Variants in DIS3 observed in about 807,000 individuals in gnomAD.
DIS3 encodes the protein DIS3 exosome endoribonuclease and 3'-5' exoribonuclease.
In DIS3, 103 loss-of-function variants were observed where a neutral mutation model predicts 113.0. The ratio of observed to expected loss-of-function variants is 0.91; its 90% confidence interval spans 0.78 to 1.07. The LOEUF (loss-of-function observed/expected upper bound fraction) is 1.07, where lower values mean the gene tolerates loss of function less well. DIS3 is among the 50% of genes least tolerant of loss of function. The pLI is 0.00. For missense variants in DIS3, 1,121 were observed against 1,167.1 expected (o/e 0.96, Z 0.58); for synonymous variants, 402 against 394.3 (o/e 1.02, Z -0.23).
In DIS3 at chr13:72,781,889, A is replaced by C. The variant is rs2034254143; in HGVS notation, c.-57T>G. The C allele has an allele frequency of 1.4e-6, 2 of 1,432,682 alleles. No individual in the cohort carries two copies. The highest frequency in any genetic ancestry group is 1.9e-6 in the Non-Finnish European group (2 of 1,071,408). The allele number at this position is 1,432,682 out of a possible 1,614,324, so 88.7% of individuals were successfully genotyped here. ...CAGCGCTCTTCCAGCAAAAGGCGTC[A>C]ATCTAGAATACGCCTAACCCCGGAG... On this transcript the variant is annotated 5_prime_UTR_variant, in exon 1 of 21. In the 5' UTR this introduces an upstream ATG that the reference lacks. Transcript: ENST00000377767.
intron 13 of DIS3, among the ~76,000 whole-genome samples, chr13:72,769,902 TGAAGAAA>T (rs1383640606): frequency 2.6e-5 from 4 of 152,154 alleles, no homozygotes; most frequent in African/African-American, 9.7e-5. Context: ...TGGCAAATCT[TGAAGAAA>T]GATGTAGGGC....
rs781109125 is a variant in DIS3 at position 72,778,399 on chromosome 13, C to T, written c.387-19G>A. 2.6e-5 allele frequency: 40 copies of T among 1,523,960 alleles called. No individual in the cohort carries two copies. The highest frequency in any genetic ancestry group is 7.6e-5 in the South Asian group (6 of 78,650). 94.4% of individuals were successfully genotyped at this position (1,523,960 alleles called of 1,614,324 possible). A position where few individuals can be genotyped will look rare whatever the true frequency, so the allele number is the denominator to read the frequency against. On this transcript the variant is annotated intron_variant, in intron 2 of 20. Coordinates refer to ENST00000377767, the MANE Select transcript of DIS3 (RefSeq NM_014953.5). ...GGTTTCTCTAAATGGAAAGAAAAAA[C>T]GAAATAAAAGGAAATCAGTAGAAAC...
At position 72,766,075 on chromosome 13, in the gene DIS3, G is replaced by A. The variant is rs1348059088; in HGVS notation, c.1884-17C>T. The A allele has an allele frequency of 1.3e-6, 2 of 1,575,812 alleles. No individual in the cohort carries two copies. The highest frequency in any genetic ancestry group is 1.4e-5 in the African/African-American group (1 of 72,962). On this transcript the variant is annotated splice_polypyrimidine_tract_variant and intron_variant, in intron 14 of 20. Transcript: ENST00000377767. ...GTCAAAGCCCTACATAAAAATTAAA[G>A]AGAAAAATTATAGTCAAGCAAGCCA...
At chr13:72,770,174 C>T (rs1323876279) in intron 13 of DIS3, among the ~76,000 whole-genome samples, 2 of 152,046 alleles carry the variant, frequency 1.3e-5, no homozygotes, top group Admixed American at 6.5e-5. Flanking sequence ...GGCATAAAAC[C>T]ACTAGTTGGT....
At position 72,753,870 on chromosome 13, in the gene DIS3, T is replaced by G. The variant is rs536908276; in HGVS notation, c.*5925A>C. Reference sequence around the variant, plus strand: ...CTTAATATTGTTTAGATTAGAAATATAAAATAATTTTGATTATTAGACAAT... The same window carrying G: ...CTTAATATTGTTTAGATTAGAAATAGAAAATAATTTTGATTATTAGACAAT... On this transcript the variant is annotated 3_prime_UTR_variant, in exon 21 of 21. Coordinates refer to ENST00000377767, the MANE Select transcript of DIS3 (RefSeq NM_014953.5). The G allele has an allele frequency of 6.6e-7, 1 of 1,506,628 alleles. No individual in the cohort carries two copies. Among genetic ancestry groups the G allele is most frequent in the South Asian group, 1.2e-5 (1 of 82,462 alleles). The allele number at this position is 1,506,628 out of a possible 1,614,324, so 93.3% of individuals were successfully genotyped here. A position where few individuals can be genotyped will look rare whatever the true frequency, so the allele number is the denominator to read the frequency against.
At chr13:72,762,462 G>A (rs750126443) in intron 16 of DIS3, among the ~76,000 whole-genome samples, 7 of 152,230 alleles carry the variant, frequency 4.6e-5, no homozygotes, top group Non-Finnish European at 8.8e-5. Context: ...GAGCAGAGGA[G>A]TGAGAAGCTG....
chr13:72,772,869 C>G, intron 8 of DIS3, 30 bp from the exon 9 acceptor site: 2 of 1,556,258 alleles, frequency 1.3e-6, no homozygotes, highest in Non-Finnish European at 1.7e-6. Flanking sequence ...TTAGAAACGC[C>G]TATTTTATAG....
chr13:72,779,123 C>CT (rs563966682), intron 2 of DIS3, among the ~76,000 whole-genome samples: 1,667 of 140,180 alleles, frequency 0.012, 10 homozygotes, highest in Admixed American at 0.018. Context: ...CTTGCTAATG[C>CT]TTTTTTTTTT....
rs2033393911 is a variant in DIS3 at position 72,754,613 on chromosome 13, G to A, written c.*5182C>T. ...CCTTTCTGTTGTATGTAGTATCAGAGCAGGTCTCTTCTAATATTAACCTGA... is the reference window on the plus strand; with the variant it reads ...CCTTTCTGTTGTATGTAGTATCAGAACAGGTCTCTTCTAATATTAACCTGA... On this transcript the variant is annotated 3_prime_UTR_variant, in exon 21 of 21. Coordinates refer to ENST00000377767, the MANE Select transcript of DIS3 (RefSeq NM_014953.5). 1 of 152,270 alleles carries A rather than the reference G, an allele frequency of 6.6e-6. No homozygotes were observed. Among genetic ancestry groups the A allele is most frequent in the Non-Finnish European group, 1.5e-5 (1 of 68,128 alleles). 9.4% of individuals were successfully genotyped at this position (152,270 alleles called of 1,614,324 possible). A position where few individuals can be genotyped will look rare whatever the true frequency, so the allele number is the denominator to read the frequency against.
chr13:72,775,574 T>A (rs1593849911), intron 5 of DIS3, among the ~76,000 whole-genome samples, 199 bp from the exon 6 acceptor site: 1 of 152,278 alleles, frequency 6.6e-6, no homozygotes, highest in African/African-American at 2.4e-5. Flanking sequence ...AAAATGTAAG[T>A]CAGAAAACAC....
Position 72,780,935 on chromosome 13 carries a change from T to C in DIS3, c.297A>G (p.Arg99=). The C allele has an allele frequency of 6.2e-7, 1 of 1,613,658 alleles. No homozygotes were observed. Among genetic ancestry groups the C allele is most frequent in the Non-Finnish European group, 8.5e-7 (1 of 1,179,908 alleles). The change falls in exon 2 of 21, where the codon AGA becomes AGG. Residue 99 remains arginine (R), a synonymous_variant. Transcript: ENST00000377767. ...GTTTATATACGGGGGCACTGCGATT[T>C]CTCACTTCTTGAAGAACTGTTTGTA... ...IVLQTVLQEV[R]NRSAPVYKRI... is the part of the protein sequence containing the mutation.
chr13:72,764,338 A>T (rs967038067), intron 15 of DIS3, among the ~76,000 whole-genome samples: 1 of 152,190 alleles, frequency 6.6e-6, no homozygotes, highest in African/African-American at 2.4e-5. Flanking sequence ...AAAAACCAAA[A>T]TTTTTAACAA....
intron 14 of DIS3, among the ~76,000 whole-genome samples, chr13:72,766,483 T>C (rs1372365610): frequency 2.0e-5 from 3 of 152,044 alleles, no homozygotes; most frequent in Non-Finnish European, 2.9e-5. Context: ...GAAGCTGCTG[T>C]GGGTAGCTTA....
chr13:72,771,892 C>A lies in DIS3; in HGVS notation c.1508G>T (p.Gly503Val). ...ATGGCTCACATCAGCAATATGAACA[C>A]CAACCTTAAAAAGATAAAAATAAAA... ...RELENGNLEV[G>V]VHIADVSHFI... is the part of the protein sequence containing the mutation. The change falls in exon 11 of 21, where the codon GGT becomes GTT. Residue 503 changes from glycine to valine, a missense_variant. By Grantham distance (109) the Gly-to-Val change is moderately radical (BLOSUM62 -3). Coordinates refer to ENST00000377767, the MANE Select transcript of DIS3 (RefSeq NM_014953.5). The A allele has an allele frequency of 1.2e-6, 2 of 1,612,822 alleles. No homozygotes were observed. The highest frequency in any genetic ancestry group is 1.7e-6 in the Non-Finnish European group (2 of 1,179,654).
intron 1 of DIS3, chr13:72,781,205 G>T: frequency 2.7e-6 from 4 of 1,503,082 alleles, no homozygotes; most frequent in Non-Finnish European, 3.6e-6. Flanking sequence ...CACTTAAACA[G>T]ACCAATCACA....
At position 72,773,747 on chromosome 13, in the gene DIS3, T is replaced by C; in HGVS notation, c.1176A>G (p.Thr392=). The C allele has an allele frequency of 2.5e-6, 4 of 1,614,054 alleles. No individual in the cohort carries two copies. The highest frequency in any genetic ancestry group is 1.1e-5 in the South Asian group (1 of 91,054). ...RIRIETRQAS[T]LEGRRIIVAI... Reference sequence around the variant, plus strand: ...CAACAATAATTCTCCGTCCTTCTAATGTGGAAGCCTGTCTGGTTTCTATGC... The same window carrying C: ...CAACAATAATTCTCCGTCCTTCTAACGTGGAAGCCTGTCTGGTTTCTATGC... The change falls in exon 8 of 21, where the codon ACA becomes ACG. Residue 392 remains threonine (T), a synonymous_variant. Transcript: ENST00000377767.
chr13:72,768,987 C>A, intron 13 of DIS3, 75 bp from the exon 14 acceptor site: 1 of 937,334 alleles, frequency 1.1e-6, no homozygotes, highest in Non-Finnish European at 1.6e-6. Context: ...CTCCTACTTT[C>A]ACTACATAAA....
chr13:72,764,077 G>A (rs557681895), intron 15 of DIS3, among the ~76,000 whole-genome samples: 1 of 152,158 alleles, frequency 6.6e-6, no homozygotes, highest in East Asian at 1.9e-4. Context: ...ACTTGAACCC[G>A]GGAGGTGGAG....
At chr13:72,762,552 T>C (rs993018185) in intron 16 of DIS3, among the ~76,000 whole-genome samples, 1 of 152,192 alleles carries the variant, frequency 6.6e-6, no homozygotes, top group Admixed American at 6.5e-5. Context: ...AATGCCATCA[T>C]GATCGAATAA....
Sources: gnomAD v4.1 joint callset for allele counts (sites outside exome capture counted in the v4.1 genomes callset) on GRCh38, gnomAD v4.1.1 for gene constraint, MANE v1.5 for transcripts, NCBI Gene and HGNC (gene_info 2026-07-23, HGNC 2026-07-21) for gene names.